TMEM178B: variants seen among roughly 807,000 people sequenced by gnomAD.
TMEM178B encodes the protein transmembrane protein 178B.
A neutral mutation model predicts 31.0 loss-of-function variants in TMEM178B; 5 were observed. That is an observed-to-expected ratio of 0.16 (90% CI 0.08 to 0.34). The LOEUF (loss-of-function observed/expected upper bound fraction) is 0.34, where lower values mean the gene tolerates loss of function less well. Ranked by LOEUF, TMEM178B falls within the 10% of genes least tolerant of loss-of-function variation. The pLI is 1.00. For synonymous variants in TMEM178B, 164 were observed against 164.0 expected, an observed-to-expected ratio of 1.00 and a Z score of 0.00; for missense variants, 275 against 400.3, an observed-to-expected ratio of 0.69 and a Z score of 2.67.
chr7:141,498,900 G>A, the TMEM178B span, among the ~76,000 whole-genome samples: 21 of 152,184 alleles, frequency 1.4e-4, no homozygotes, highest in Non-Finnish European at 2.6e-4. Context: ...AGATAAATAA[G>A]ATTGGAGATA....
At chr7:141,337,499 T>G (rs151183165) in intron 2 of TMEM178B, among the ~76,000 whole-genome samples, 4 of 152,318 alleles carry the variant, frequency 2.6e-5, no homozygotes, top group Non-Finnish European at 4.4e-5. Context: ...CTATGATATA[T>G]TCAAATATCA....
chr7:141,374,588 G>A (rs143980911), intron 2 of TMEM178B, among the ~76,000 whole-genome samples: 4 of 152,278 alleles, frequency 2.6e-5, no homozygotes, highest in Non-Finnish European at 5.9e-5. Context: ...AACCCCACGC[G>A]CATACAGCGT....
chr7:141,281,548 G>A lies in TMEM178B; in HGVS notation c.496+68844G>A, dbSNP rs116605075. 9.9e-4 allele frequency among the ~76,000 whole-genome samples: 150 copies of A among 152,282 alleles called. 1 individual carries two copies. The highest frequency in any genetic ancestry group is 3.3e-3 in the African/African-American group (136 of 41,554). On this transcript the variant is annotated intron_variant, in intron 2 of 3. Coordinates refer to ENST00000565468, the MANE Select transcript of TMEM178B (RefSeq NM_001195278.2). The stretch of plus-strand genomic sequence containing the variant: ...GGGAACATGAAGTCCATTAAGACAC[G>A]GTCCCTGGAGCTTTCTGTCTAGTGT...
At chr7:141,429,384 C>T (rs564845618) in intron 2 of TMEM178B, among the ~76,000 whole-genome samples, 1 of 151,840 alleles carries the variant, frequency 6.6e-6, no homozygotes, top group South Asian at 2.1e-4. Flanking sequence ...GAATGAAATC[C>T]TGCCATTTGC....
At chr7:141,224,100 G>A (rs985843022) in intron 2 of TMEM178B, among the ~76,000 whole-genome samples, 1 of 152,064 alleles carries the variant, frequency 6.6e-6, no homozygotes, top group Non-Finnish European at 1.5e-5. Flanking sequence ...AGCGTTTCCC[G>A]TTTTGCTTGG....
At chr7:141,154,752 C>T (rs1796038598) in intron 1 of TMEM178B, among the ~76,000 whole-genome samples, 1 of 148,170 alleles carries the variant, frequency 6.7e-6, no homozygotes, top group Non-Finnish European at 1.5e-5. Flanking sequence ...TTTTTTGAGG[C>T]AGAGTCTTGC....
chr7:141,470,572 C>T lies in TMEM178B; in HGVS notation c.671C>T (p.Ala224Val). 1 of 1,533,456 alleles carries T rather than the reference C, an allele frequency of 6.5e-7. No homozygotes were observed. Among genetic ancestry groups the T allele is most frequent in the Non-Finnish European group, 8.7e-7 (1 of 1,145,766 alleles). The allele number at this position is 1,533,456 out of a possible 1,614,324, so 95.0% of individuals were successfully genotyped here. A position where few individuals can be genotyped will look rare whatever the true frequency, so the allele number is the denominator to read the frequency against. Residue 224 changes from alanine (A) to valine (V), a missense_variant, in exon 4 of 4, where the codon GCC becomes GTC. Physicochemically the swap from Ala to Val is moderately conservative, Grantham distance 64. Transcript: ENST00000565468. ...ATCATTTCACTGTGCACCTGTGTGG[C>T]CGGGATCAACTTTGAGCTGTCACGC... ...FCIISLCTCV[A>V]GINFELSRYP...
chr7:141,170,383 C>T (rs1796328311), intron 1 of TMEM178B, among the ~76,000 whole-genome samples: 1 of 151,936 alleles, frequency 6.6e-6, no homozygotes, highest in Non-Finnish European at 1.5e-5. Flanking sequence ...TGGATTATAC[C>T]TTGTTTCTTT....
intron 2 of TMEM178B, chr7:141,429,969 G>A (rs1801393290): frequency 6.6e-6 from 1 of 152,208 alleles, no homozygotes; most frequent in African/African-American, 2.4e-5. Flanking sequence ...TCCCAGCAGA[G>A]TCTCAGTCCT....
intron 2 of TMEM178B, among the ~76,000 whole-genome samples, chr7:141,222,283 T>C (rs1797270065): frequency 6.6e-6 from 1 of 152,204 alleles, no homozygotes; most frequent in Non-Finnish European, 1.5e-5. Context: ...CTTCCTAATA[T>C]CTAGCCTCCA....
intron 1 of TMEM178B, among the ~76,000 whole-genome samples, chr7:141,183,371 A>G (rs1338825298): frequency 6.6e-6 from 1 of 152,218 alleles, no homozygotes; most frequent in East Asian, 1.9e-4. Flanking sequence ...TTAATTTGGT[A>G]AGTGGCAAAA....
chr7:141,266,489 A>G (rs888861276), intron 2 of TMEM178B, among the ~76,000 whole-genome samples: 1 of 152,190 alleles, frequency 6.6e-6, no homozygotes, highest in South Asian at 2.1e-4. Context: ...CCCTGTGTCA[A>G]TGGAGCATTC....
At chr7:141,232,927 A>G (rs1213299138) in intron 2 of TMEM178B, among the ~76,000 whole-genome samples, 1 of 152,208 alleles carries the variant, frequency 6.6e-6, no homozygotes, top group African/African-American at 2.4e-5. Context: ...AAGCTTGAGG[A>G]GATGATCTGA....
intron 1 of TMEM178B, among the ~76,000 whole-genome samples, chr7:141,191,663 A>G (rs1019473268): frequency 1.3e-5 from 2 of 152,156 alleles, no homozygotes; most frequent in East Asian, 3.9e-4. Flanking sequence ...TTCTGTTCAT[A>G]TCTTTTGCTC....
At chr7:141,379,037 A>C (rs1419784159) in intron 2 of TMEM178B, among the ~76,000 whole-genome samples, 1 of 152,148 alleles carries the variant, frequency 6.6e-6, no homozygotes, top group African/African-American at 2.4e-5. Flanking sequence ...AGCACAGAGC[A>C]AAAGGAGCCA....
chr7:141,162,280 G>A (rs778914165), intron 1 of TMEM178B, among the ~76,000 whole-genome samples: 4 of 152,128 alleles, frequency 2.6e-5, no homozygotes, highest in African/African-American at 4.8e-5. Flanking sequence ...ACCTTGTTCC[G>A]CTCATGTTTT....
chr7:141,406,763 C>T (rs145806496), intron 2 of TMEM178B, among the ~76,000 whole-genome samples: 12 of 152,150 alleles, frequency 7.9e-5, no homozygotes, highest in Admixed American at 7.9e-4. Context: ...GCTAGACCTT[C>T]GAACGTCATC....
At chr7:141,179,898 C>T (rs1796492527) in intron 1 of TMEM178B, among the ~76,000 whole-genome samples, 1 of 152,248 alleles carries the variant, frequency 6.6e-6, no homozygotes, top group African/African-American at 2.4e-5. Context: ...TCCTCTGTCT[C>T]TCCTGGCCTC....
intron 1 of TMEM178B, among the ~76,000 whole-genome samples, chr7:141,100,620 T>C (rs538712697): frequency 1.3e-5 from 2 of 152,342 alleles, no homozygotes; most frequent in African/African-American, 4.8e-5. Flanking sequence ...TAGAAAGGCA[T>C]GCTTCATCAA....
Sources: gnomAD v4.1 joint callset for allele counts (sites outside exome capture counted in the v4.1 genomes callset) on GRCh38, gnomAD v4.1.1 for gene constraint, MANE v1.5 for transcripts, NCBI Gene and HGNC (gene_info 2026-07-23, HGNC 2026-07-21) for gene names.